CEP57L1: variants seen among roughly 807,000 people sequenced by gnomAD.
The protein encoded by CEP57L1 is centrosomal protein 57 like 1, also known as centrosomal protein CEP57L1.
In CEP57L1, 37 loss-of-function variants were observed where a neutral mutation model predicts 61.0. The ratio of observed to expected loss-of-function variants is 0.61; its 90% confidence interval spans 0.47 to 0.80. The LOEUF is 0.80. Ranked by LOEUF, CEP57L1 falls within the 30% of genes least tolerant of loss-of-function variation. CEP57L1 has a pLI of 0.00. For missense variants in CEP57L1, 422 were observed against 524.7 expected (o/e 0.80, Z 1.91); for synonymous variants, 137 against 162.3 (o/e 0.84, Z 1.19).
rs1391285883 is a variant in CEP57L1 at position 109,114,398 on chromosome 6, A to G, written c.-4+18823A>G. Among the ~76,000 whole-genome samples the G allele has an allele frequency of 7.9e-5, 12 of 152,134 alleles. No homozygotes were observed. The East Asian group carries it at 2.3e-3, about 29-fold the overall frequency. On this transcript the variant is annotated intron_variant, in intron 1 of 10. Transcript: ENST00000517392. ...TATTTAAGTCCTTTGCCCATTTTTA[A>G]TAGGGTTGTTTTCTTGTTATTTCAT...
At chr6:109,130,053 C>T (rs1245801616) in intron 1 of CEP57L1, among the ~76,000 whole-genome samples, 1 of 152,064 alleles carries the variant, frequency 6.6e-6, no homozygotes, top group Non-Finnish European at 1.5e-5. Context: ...TTAATCTCTC[C>T]TTTGTGTTCC....
intron 1 of CEP57L1, among the ~76,000 whole-genome samples, chr6:109,120,357 C>T (rs746231368): frequency 3.9e-5 from 6 of 152,144 alleles, no homozygotes; most frequent in Non-Finnish European, 5.9e-5. Context: ...ATCTGATGAA[C>T]CTTTTTCTGC....
intron 1 of CEP57L1, among the ~76,000 whole-genome samples, chr6:109,134,314 C>G (rs1269316111): frequency 1.3e-5 from 2 of 152,144 alleles, no homozygotes; most frequent in African/African-American, 2.4e-5. Flanking sequence ...ACAAAAACCA[C>G]GTGGTTATCT....
chr6:109,130,666 T>G (rs76900360), intron 1 of CEP57L1: 1 of 150,110 alleles, frequency 6.7e-6, no homozygotes, highest in South Asian at 2.1e-4. Context: ...TGGTTTTGTT[T>G]TTTTTTTTTT....
intron 1 of CEP57L1, among the ~76,000 whole-genome samples, chr6:109,120,912 GCACACACACACACACACACA>G (rs71747421): frequency 1.6e-4 from 21 of 133,478 alleles, no homozygotes; most frequent in Non-Finnish European, 2.1e-4. Context: ...TTAGACACAC[GCACACACACACACACACACA>G]CACACACACA....
intron 1 of CEP57L1, among the ~76,000 whole-genome samples, chr6:109,120,090 A>G (rs1174119333): frequency 6.6e-6 from 1 of 152,174 alleles, no homozygotes; most frequent in Non-Finnish European, 1.5e-5. Context: ...TTGATTCATT[A>G]CATATAATTG....
At chr6:109,103,820 G>T (rs1413269597) in intron 1 of CEP57L1, among the ~76,000 whole-genome samples, 1 of 152,052 alleles carries the variant, frequency 6.6e-6, no homozygotes, top group Non-Finnish European at 1.5e-5. Flanking sequence ...TTATAAACCA[G>T]TCTCACTACT....
At chr6:109,107,454 G>A (rs1771078056) in intron 1 of CEP57L1, among the ~76,000 whole-genome samples, 1 of 151,972 alleles carries the variant, frequency 6.6e-6, no homozygotes, top group Non-Finnish European at 1.5e-5. Flanking sequence ...TCTTTCTAAA[G>A]CCTGAAAAAC....
chr6:109,138,784 A>T (rs187582786), intron 1 of CEP57L1, among the ~76,000 whole-genome samples: 1 of 152,218 alleles, frequency 6.6e-6, no homozygotes, highest in African/African-American at 2.4e-5. Context: ...ACTGCATACA[A>T]TAGTCCCCCC....
chr6:109,168,808 C>G lies in CEP57L1; in HGVS notation c.*5838C>G, dbSNP rs1205919776. ...ATGGGGTTTCACTGTATTGCCCAGG[C>G]TGGTCACGAACTCCTGAGCTCAGGC... On this transcript the variant is annotated 3_prime_UTR_variant, in exon 11 of 11. Coordinates refer to ENST00000517392, the MANE Select transcript of CEP57L1 (RefSeq NM_001271852.3). Among the ~76,000 whole-genome samples the G allele has an allele frequency of 6.6e-6, 1 of 151,286 alleles. No homozygotes were observed. Among genetic ancestry groups the G allele is most frequent in the Non-Finnish European group, 1.5e-5 (1 of 67,760 alleles).
Position 109,174,008 on chromosome 6 carries a change from G to A in CEP57L1, c.*11038G>A, listed in dbSNP as rs1360258069. The stretch of plus-strand genomic sequence containing the variant: ...TCAGCTACTCATCAGGCTGAGGCAG[G>A]AGAATCGCTTGAACCCAGGAGACAG... On this transcript the variant is annotated 3_prime_UTR_variant, in exon 11 of 11. Coordinates refer to ENST00000517392, the MANE Select transcript of CEP57L1 (RefSeq NM_001271852.3). Among the ~76,000 whole-genome samples, 4 of 151,272 alleles carry A rather than the reference G, an allele frequency of 2.6e-5. No homozygotes were observed. Among genetic ancestry groups the A allele is most frequent in the Admixed American group, 6.6e-5 (1 of 15,146 alleles).
In CEP57L1 at chr6:109,160,648, G is replaced by T; in HGVS notation, c.1093G>T (p.Glu365Ter). The T allele has an allele frequency of 6.2e-7, 1 of 1,609,348 alleles. No homozygotes were observed. Among genetic ancestry groups the T allele is most frequent in the South Asian group, 1.1e-5 (1 of 89,934 alleles). The change falls in exon 10 of 11, where the codon GAG (glutamate) becomes TAG (stop). Residue 365 changes from glutamate (E) to a stop codon, truncating the protein, a stop_gained. Coordinates refer to ENST00000517392, the MANE Select transcript of CEP57L1 (RefSeq NM_001271852.3). LOFTEE classifies it high-confidence loss of function. ...CTGTGACGACATAGAATGTGAACTA[G>T]AGTGTTTACTCAAGAAAATGGAAAT... ...SVCDDIECEL[E>*]CLLKKMEIKG...
intron 1 of CEP57L1, among the ~76,000 whole-genome samples, chr6:109,106,822 C>G (rs1044275019): frequency 7.9e-5 from 12 of 152,096 alleles, no homozygotes; most frequent in African/African-American, 2.9e-4. Context: ...CACCTGTAAT[C>G]CCAGCTACTC....
intron 2 of CEP57L1, 104 bp from the exon 3 acceptor site, chr6:109,146,654 C>T: frequency 1.4e-6 from 1 of 713,682 alleles, no homozygotes. Context: ...GTACATTTTT[C>T]TGGCTCAGTA....
At position 109,101,044 on chromosome 6, in the gene CEP57L1, T is replaced by C. The variant is rs897360223; in HGVS notation, c.-4+5469T>C. ...ATCGCCTGAGCCTGGGAGGCAGAGGTTGCAGTGAGCCAAGATCGCACCACT... is the reference window on the plus strand; with the variant it reads ...ATCGCCTGAGCCTGGGAGGCAGAGGCTGCAGTGAGCCAAGATCGCACCACT... On this transcript the variant is annotated intron_variant, in intron 1 of 10. Transcript: ENST00000517392. 4.0e-4 allele frequency among the ~76,000 whole-genome samples: 61 copies of C among 152,230 alleles called. 1 individual carries two copies. Among genetic ancestry groups the C allele is most frequent in the Non-Finnish European group, 5.3e-4 (36 of 68,014 alleles).
rs1774476452 is a variant in CEP57L1, at chr6:109,173,088, T to G, written c.*10118T>G. ...ATTGCCTGGTAGGAAGGAGAACATG[T>G]TTTTTTTGAACCTATGCAAATAGCC... On this transcript the variant is annotated 3_prime_UTR_variant, in exon 11 of 11. Coordinates refer to ENST00000517392, the MANE Select transcript of CEP57L1 (RefSeq NM_001271852.3). Among the ~76,000 whole-genome samples the G allele has an allele frequency of 6.6e-6, 1 of 151,956 alleles. No individual in the cohort carries two copies. The highest frequency in any genetic ancestry group is 2.1e-4 in the South Asian group (1 of 4,818).
At position 109,160,617 on chromosome 6, in the gene CEP57L1, T is replaced by C; in HGVS notation, c.1062T>C (p.His354=). The C allele has an allele frequency of 1.2e-6, 2 of 1,605,542 alleles. No individual in the cohort carries two copies. Among genetic ancestry groups the C allele is most frequent in the East Asian group, 2.2e-5 (1 of 44,494 alleles). The part of the protein sequence containing the change: ...LLKQMKETES[H]SVCDDIECEL... ...AACAAATGAAGGAAACTGAAAGTCATTCAGTCTGTGACGACATAGAATGTG... is the reference window on the plus strand; with the variant it reads ...AACAAATGAAGGAAACTGAAAGTCACTCAGTCTGTGACGACATAGAATGTG... The change falls in exon 10 of 11, where the codon CAT becomes CAC. Residue 354 remains histidine (H), a synonymous_variant. Coordinates refer to ENST00000517392, the MANE Select transcript of CEP57L1 (RefSeq NM_001271852.3).
intron 1 of CEP57L1, among the ~76,000 whole-genome samples, chr6:109,123,498 C>T (rs1414165060): frequency 6.6e-6 from 1 of 152,160 alleles, no homozygotes; most frequent in Non-Finnish European, 1.5e-5. Flanking sequence ...ATGTAAACTT[C>T]TTTGACCAGT....
intron 1 of CEP57L1, among the ~76,000 whole-genome samples, chr6:109,102,794 A>G (rs1404040282): frequency 6.6e-6 from 1 of 152,204 alleles, no homozygotes; most frequent in African/African-American, 2.4e-5. Context: ...CTGAATCTGT[A>G]CAACTATATT....
Sources: gnomAD v4.1 joint callset for allele counts (sites outside exome capture counted in the v4.1 genomes callset) on GRCh38, gnomAD v4.1.1 for gene constraint, MANE v1.5 for transcripts, NCBI Gene and HGNC (gene_info 2026-07-23, HGNC 2026-07-21) for gene names.